Variants in GSG1L observed in about 807,000 individuals in gnomAD.
GSG1L encodes GSG1 like.
A neutral mutation model predicts 42.1 loss-of-function variants in GSG1L; 24 were observed. The ratio of observed to expected loss-of-function variants is 0.57; its 90% CI spans 0.41 to 0.80. The LOEUF (loss-of-function observed/expected upper bound fraction) is 0.80, where lower values mean the gene tolerates loss of function less well. Among genes scored for constraint, GSG1L ranks in the 30% least tolerant of loss-of-function variants. The pLI is 0.00. For synonymous variants in GSG1L, 215 were observed against 203.5 expected (o/e 1.06, Z -0.48); for missense variants, 445 against 472.2 (o/e 0.94, Z 0.53).
intron 1 of GSG1L, among the ~76,000 whole-genome samples, chr16:28,045,042 G>T (rs1040439076): frequency 6.6e-6 from 1 of 152,160 alleles, no homozygotes; most frequent in Non-Finnish European, 1.5e-5. Context: ...AGGATCAATG[G>T]TTGCCAGGAG....
intron 2 of GSG1L, among the ~76,000 whole-genome samples, chr16:27,957,889 AG>A (rs1366069439): frequency 6.6e-6 from 1 of 152,128 alleles, no homozygotes; most frequent in African/African-American, 2.4e-5. Flanking sequence ...ACATGGCAAG[AG>A]AGAGAGTGAG....
rs1481102686 is a variant in GSG1L at position 27,865,556 on chromosome 16, TATATATATATATATATACAC to T, written c.550+18910_550+18929del. ...ATATATATATATATATATATATATA[TATATATATATATATATACAC>T]ACACACATACATACATACACACACA... is the stretch of plus-strand genomic sequence containing the variant. On this transcript the variant is annotated intron_variant, in intron 3 of 6. Transcript: ENST00000447459. Among the ~76,000 whole-genome samples, 51 of 23,258 alleles carry T rather than the reference TATATATATATATATATACAC, an allele frequency of 2.2e-3. 1 individual carries two copies. The East Asian group carries it at 0.045, about 20-fold the overall frequency. The allele number at this position is 23,258 out of a possible 152,430, so 15.3% of individuals were successfully genotyped here.
Position 28,019,239 on chromosome 16 carries a change from G to C in GSG1L, c.349+43837C>G, listed in dbSNP as rs2085812441. ...AAAGACCCTGCTGATAAAACAGCAT[G>C]AAGTGAAGAAGTCAGCCAAATCCCA... On this transcript the variant is annotated intron_variant, in intron 1 of 6. Coordinates refer to ENST00000447459, the MANE Select transcript of GSG1L (RefSeq NM_001109763.2). Among the ~76,000 whole-genome samples the C allele has an allele frequency of 2.6e-5, 4 of 152,184 alleles. No homozygotes were observed. The South Asian group carries it at 8.3e-4, about 31-fold the overall frequency.
chr16:27,896,464 T>C (rs534723881), intron 2 of GSG1L, among the ~76,000 whole-genome samples: 3 of 152,334 alleles, frequency 2.0e-5, no homozygotes, highest in South Asian at 4.1e-4. Flanking sequence ...TGGGCCTTAA[T>C]ACCTAGGTGA....
chr16:28,023,160 T>C (rs1197929892), intron 1 of GSG1L, among the ~76,000 whole-genome samples: 2 of 152,186 alleles, frequency 1.3e-5, no homozygotes, highest in East Asian at 3.8e-4. Context: ...TAAAAGGTTT[T>C]TGTTTAAGAA....
intron 2 of GSG1L, among the ~76,000 whole-genome samples, chr16:27,927,576 TC>T (rs1899982633): frequency 6.6e-6 from 1 of 152,080 alleles, no homozygotes; most frequent in South Asian, 2.1e-4. Context: ...GCCATTCTCC[TC>T]TGCACCACAG....
At chr16:27,850,808 T>TA (rs1030678429) in intron 3 of GSG1L, among the ~76,000 whole-genome samples, 22 of 118,142 alleles carry the variant, frequency 1.9e-4, no homozygotes, top group African/African-American at 7.9e-4. Flanking sequence ...ACCTTTTTTT[T>TA]TTATTTTTTT....
chr16:27,830,360 C>T (rs1003813633), intron 4 of GSG1L, among the ~76,000 whole-genome samples: 18 of 152,256 alleles, frequency 1.2e-4, no homozygotes, highest in Admixed American at 8.5e-4. Flanking sequence ...CATCACCACC[C>T]CTGCATTCCC....
At position 27,813,685 on chromosome 16, in the gene GSG1L, G is replaced by C. The variant is rs547080327; in HGVS notation, c.831-6131C>G. ...GCAAGACACGGGATCTGCAGAATCT[G>C]CAGGGTCTTGGCCGCCCTCTGGGCC... On this transcript the variant is annotated intron_variant, in intron 5 of 6. Coordinates refer to ENST00000447459, the MANE Select transcript of GSG1L (RefSeq NM_001109763.2). Among the ~76,000 whole-genome samples the C allele has an allele frequency of 3.9e-5, 6 of 152,342 alleles. No homozygotes were observed. The South Asian group carries it at 1.2e-3, about 32-fold the overall frequency.
At chr16:27,979,909 G>A (rs889710900) in intron 1 of GSG1L, among the ~76,000 whole-genome samples, 3 of 151,996 alleles carry the variant, frequency 2.0e-5, no homozygotes, top group Non-Finnish European at 4.4e-5. Context: ...AAAAGAGAGA[G>A]AGAATTGAAA....
intron 3 of GSG1L, among the ~76,000 whole-genome samples, chr16:27,865,578 C>T (rs7404031): frequency 0.013 from 422 of 31,274 alleles, 35 homozygotes; most frequent in African/African-American, 0.061. Context: ...TATATACACA[C>T]ACACATACAT....
At chr16:28,041,465 A>G (rs2086104971) in intron 1 of GSG1L, among the ~76,000 whole-genome samples, 1 of 152,166 alleles carries the variant, frequency 6.6e-6, no homozygotes, top group South Asian at 2.1e-4. Context: ...AAGAAAAAAA[A>G]AAGATACTAT....
chr16:27,834,491 A>G (rs1033527745), intron 4 of GSG1L, among the ~76,000 whole-genome samples: 34 of 152,054 alleles, frequency 2.2e-4, no homozygotes, highest in Admixed American at 1.9e-3. Context: ...CTGAAAAAAA[A>G]AAAGTGCTAA....
At chr16:27,987,351 A>C (rs1425087770) in intron 1 of GSG1L, among the ~76,000 whole-genome samples, 1 of 152,168 alleles carries the variant, frequency 6.6e-6, no homozygotes, top group Non-Finnish European at 1.5e-5. Flanking sequence ...TCTCTGTTGG[A>C]TGTTTTAAGG....
At chr16:27,795,137 C>T (rs1298085830) in intron 6 of GSG1L, among the ~76,000 whole-genome samples, 1 of 152,066 alleles carries the variant, frequency 6.6e-6, no homozygotes, top group Non-Finnish European at 1.5e-5. Context: ...GCCCTGATTC[C>T]CCAGCCCCTG....
At chr16:27,811,570 G>A (rs908829825) in intron 5 of GSG1L, among the ~76,000 whole-genome samples, 1 of 152,210 alleles carries the variant, frequency 6.6e-6, no homozygotes, top group Non-Finnish European at 1.5e-5. Flanking sequence ...AGGGCTTCCA[G>A]CATCCTCCTG....
intron 2 of GSG1L, among the ~76,000 whole-genome samples, chr16:27,932,981 G>A (rs1278412404): frequency 6.6e-6 from 1 of 152,100 alleles, no homozygotes; most frequent in Non-Finnish European, 1.5e-5. Context: ...GCTTGGTTAT[G>A]GAAGCCACTT....
chr16:28,053,614 G>A (rs1421033847), intron 1 of GSG1L, among the ~76,000 whole-genome samples: 1 of 152,218 alleles, frequency 6.6e-6, no homozygotes, highest in Non-Finnish European at 1.5e-5. Flanking sequence ...GAGGCGGGAA[G>A]GGCCACGTGT....
chr16:27,926,857 T>C (rs1418681536), intron 2 of GSG1L, among the ~76,000 whole-genome samples: 1 of 152,204 alleles, frequency 6.6e-6, no homozygotes, highest in Non-Finnish European at 1.5e-5. Context: ...GATAGAAGCA[T>C]TTAATAACGG....
Sources: allele counts gnomAD v4.1 joint callset (sites outside exome capture counted in the v4.1 genomes callset), GRCh38; gene constraint gnomAD v4.1.1; transcripts MANE v1.5; gene names NCBI Gene and HGNC (gene_info 2026-07-23, HGNC 2026-07-21).